The following COL8A1 variants were observed in gnomAD, a reference collection of about 807,000 sequenced individuals.
COL8A1 encodes the protein collagen alpha-1(VIII) chain.
COL8A1 carries 21 observed loss-of-function variants against 42.7 expected under a neutral mutation model. The observed-to-expected ratio is 0.49, with a 90% CI of 0.35 to 0.71. The LOEUF (loss-of-function observed/expected upper bound fraction) is 0.71. Among genes scored for constraint, COL8A1 ranks in the 30% least tolerant of loss-of-function variants. COL8A1 has a pLI of 0.01. For synonymous variants in COL8A1, 367 were observed against 369.1 expected (o/e 0.99, Z 0.06); for missense variants, 788 against 962.4 (o/e 0.82, Z 2.40).
chr3:99,736,312 C>T (rs1212554663), intron 1 of COL8A1, among the ~76,000 whole-genome samples: 1 of 152,210 alleles, frequency 6.6e-6, no homozygotes, highest in Non-Finnish European at 1.5e-5. Context: ...TCCCTCTACA[C>T]ACTGCTTTGA....
intron 1 of COL8A1, among the ~76,000 whole-genome samples, chr3:99,720,252 AAAG>A (rs1940112130): frequency 6.6e-6 from 1 of 152,164 alleles, no homozygotes; most frequent in Non-Finnish European, 1.5e-5. Context: ...AGGTTAGAGC[AAAG>A]AAGGAGAGTT....
chr3:99,772,775 T>C (rs1254787734), intron 2 of COL8A1, among the ~76,000 whole-genome samples: 1 of 152,140 alleles, frequency 6.6e-6, no homozygotes, highest in Non-Finnish European at 1.5e-5. Flanking sequence ...CACCAAACAA[T>C]GGCCAGAACT....
At chr3:99,666,192 C>T (rs994847055) in intron 1 of COL8A1, among the ~76,000 whole-genome samples, 3 of 152,180 alleles carry the variant, frequency 2.0e-5, no homozygotes, top group African/African-American at 7.2e-5. Context: ...TTCCAAGGTG[C>T]TCTAATCATC....
At chr3:99,751,928 T>C (rs1328299832) in intron 2 of COL8A1, among the ~76,000 whole-genome samples, 1 of 152,202 alleles carries the variant, frequency 6.6e-6, no homozygotes, top group East Asian at 1.9e-4. Context: ...TCATGAAAAA[T>C]TGGCTACTTC....
chr3:99,693,320 A>T (rs879543781), intron 1 of COL8A1, among the ~76,000 whole-genome samples: 13 of 152,232 alleles, frequency 8.5e-5, no homozygotes, highest in Admixed American at 3.3e-4. Context: ...TTTAGAGTGT[A>T]CTCCTTCTAA....
chr3:99,687,133 G>A (rs1225871649), intron 1 of COL8A1, among the ~76,000 whole-genome samples: 2 of 152,122 alleles, frequency 1.3e-5, no homozygotes, highest in Non-Finnish European at 2.9e-5. Flanking sequence ...CAGGAGCCAC[G>A]GCATCCGGCC....
chr3:99,718,661 C>T (rs1424615556), intron 1 of COL8A1, among the ~76,000 whole-genome samples: 1 of 151,984 alleles, frequency 6.6e-6, no homozygotes, highest in African/African-American at 2.4e-5. Flanking sequence ...GCACTAAGTC[C>T]TGTCCTTAGA....
chr3:99,697,983 T>TA (rs993092597), intron 1 of COL8A1, among the ~76,000 whole-genome samples: 1 of 151,976 alleles, frequency 6.6e-6, no homozygotes, highest in African/African-American at 2.4e-5. Flanking sequence ...CACCCACTGA[T>TA]AGGCCCCGGT....
intron 1 of COL8A1, among the ~76,000 whole-genome samples, chr3:99,729,795 A>G (rs1262966779): frequency 1.3e-5 from 2 of 152,062 alleles, no homozygotes; most frequent in African/African-American, 4.8e-5. Flanking sequence ...GCATGATAAG[A>G]AGCATGAAAC....
intron 1 of COL8A1, among the ~76,000 whole-genome samples, chr3:99,647,640 A>G (rs1937690130): frequency 6.6e-6 from 1 of 152,204 alleles, no homozygotes; most frequent in Non-Finnish European, 1.5e-5. Flanking sequence ...ATAAACAAGG[A>G]GCCTAGATAA....
chr3:99,641,438 T>C lies in COL8A1; in HGVS notation c.-129+2774T>C, dbSNP rs561201718. ...AGCTTGGTTCTAATGATGAAAATGA[T>C]TTCAGGTTTGCCCCATATTTAAAAA... is the stretch of plus-strand genomic sequence containing the variant. On this transcript the variant is annotated intron_variant, in intron 1 of 3. Transcript: ENST00000652472. Among the ~76,000 whole-genome samples the C allele has an allele frequency of 2.6e-5, 4 of 152,282 alleles. 1 individual carries two copies. The South Asian group carries it at 8.3e-4, about 32-fold the overall frequency.
chr3:99,789,577 A>G (rs1941956742), intron 2 of COL8A1, among the ~76,000 whole-genome samples: 1 of 152,174 alleles, frequency 6.6e-6, no homozygotes, highest in African/African-American at 2.4e-5. Flanking sequence ...TTTGCCAACA[A>G]TGCACTTCTC....
At chr3:99,774,361 T>C (rs190348881) in intron 2 of COL8A1, among the ~76,000 whole-genome samples, 144 of 152,120 alleles carry the variant, frequency 9.5e-4, no homozygotes, top group Admixed American at 2.4e-3. Flanking sequence ...TTTTTCAGTG[T>C]GCACCTGTAT....
At chr3:99,722,967 G>A (rs1017008594) in intron 1 of COL8A1, among the ~76,000 whole-genome samples, 2 of 151,236 alleles carry the variant, frequency 1.3e-5, no homozygotes, top group Non-Finnish European at 2.9e-5. Context: ...TCTGTAGTGG[G>A]TTATCTTATC....
chr3:99,643,488 T>C (rs140524515), intron 1 of COL8A1, among the ~76,000 whole-genome samples: 305 of 152,346 alleles, frequency 2.0e-3, no homozygotes, highest in African/African-American at 7.0e-3. Flanking sequence ...TCCATTTTCC[T>C]AAACTCCTTT....
At chr3:99,694,281 G>A (rs143044576) in intron 1 of COL8A1, among the ~76,000 whole-genome samples, 1,896 of 152,148 alleles carry the variant, frequency 0.012, 39 homozygotes, top group African/African-American at 0.042. Context: ...TCAGGAGTTC[G>A]AGACCAGCCT....
In COL8A1 at chr3:99,649,590, G is replaced by A. The variant is rs373065510; in HGVS notation, c.-129+10926G>A. ...TTCCTTGATGAAAATGAACATCTTA[G>A]AAAGAATAAAAGTTCTGAATAAAAT... is the stretch of plus-strand genomic sequence containing the variant. On this transcript the variant is annotated intron_variant, in intron 1 of 3. Transcript: ENST00000652472. Among the ~76,000 whole-genome samples the A allele has an allele frequency of 2.6e-5, 4 of 152,050 alleles. No individual in the cohort carries two copies. The East Asian group carries it at 7.7e-4, about 29-fold the overall frequency.
At chr3:99,760,334 T>C (rs181395517) in intron 2 of COL8A1, among the ~76,000 whole-genome samples, 4 of 152,122 alleles carry the variant, frequency 2.6e-5, no homozygotes, top group South Asian at 4.2e-4. Flanking sequence ...AGCATGAAAC[T>C]TGGAAGTACC....
rs1337115194 is a variant in COL8A1, at chr3:99,796,900, A to T, written c.*764A>T. The T allele has an allele frequency of 6.6e-6, 1 of 152,228 alleles. No individual in the cohort carries two copies. Among genetic ancestry groups the T allele is most frequent in the Non-Finnish European group, 1.5e-5 (1 of 68,048 alleles). 9.4% of individuals were successfully genotyped at this position (152,228 alleles called of 1,614,324 possible). A position where few individuals can be genotyped will look rare whatever the true frequency, so the allele number is the denominator to read the frequency against. The stretch of plus-strand genomic sequence containing the variant: ...GGAGCTAGAGAACCGGATGGGAGAC[A>T]TGAGCAGTAATTAACTCACTTGTTC... On this transcript the variant is annotated 3_prime_UTR_variant, in exon 4 of 4. Coordinates refer to ENST00000652472, the MANE Select transcript of COL8A1 (RefSeq NM_020351.4).
Sources: gnomAD v4.1 joint callset for allele counts (sites outside exome capture counted in the v4.1 genomes callset) on GRCh38, gnomAD v4.1.1 for gene constraint, MANE v1.5 for transcripts, NCBI Gene and HGNC (gene_info 2026-07-23, HGNC 2026-07-21) for gene names.